The following DNAH11 variants were observed in gnomAD, a reference collection of about 807,000 sequenced individuals.
DNAH11 encodes dynein axonemal heavy chain 11.
Under a neutral mutation model 526.0 loss-of-function variants are expected in DNAH11, and 442 were observed. The ratio of observed to expected loss-of-function variants is 0.84; its 90% CI spans 0.78 to 0.91. The LOEUF is 0.91. DNAH11 is among the 40% of genes least tolerant of loss of function. The probability of loss-of-function intolerance (pLI) is 0.00; values close to 1 mark genes in which losing one functional copy is unlikely to be tolerated. For missense variants in DNAH11, 6,989 were observed against 5,448.7 expected, an observed-to-expected ratio of 1.28 and a Z score of -8.90; for synonymous variants, 2,461 against 1,935.9, an observed-to-expected ratio of 1.27 and a Z score of -7.12.
chr7:21,573,369 A>G (rs897542278), intron 8 of DNAH11, among the ~76,000 whole-genome samples: 2 of 152,126 alleles, frequency 1.3e-5, no homozygotes, highest in Non-Finnish European at 2.9e-5. Context: ...CCTTCCCCTG[A>G]AGTTCCCTTC....
intron 68 of DNAH11, among the ~76,000 whole-genome samples, chr7:21,854,976 C>T (rs1208420142): frequency 6.6e-6 from 1 of 151,202 alleles, no homozygotes; most frequent in African/African-American, 2.4e-5. Context: ...GGTAATTAAA[C>T]TGTGCATACG....
intron 46 of DNAH11, among the ~76,000 whole-genome samples, chr7:21,738,349 C>G (rs555398771): frequency 6.6e-6 from 1 of 152,266 alleles, no homozygotes; most frequent in East Asian, 1.9e-4. Context: ...AGAGACCAGG[C>G]CATAGCTGGA....
intron 74 of DNAH11, among the ~76,000 whole-genome samples, chr7:21,876,635 C>G (rs112028886): frequency 6.6e-6 from 1 of 152,242 alleles, no homozygotes; most frequent in African/African-American, 2.4e-5. Context: ...AAATTGTCAT[C>G]AATCTGGCTC....
At position 21,613,507 on chromosome 7, in the gene DNAH11, T is replaced by C. The variant is rs534691552; in HGVS notation, c.3853-1607T>C. Among the ~76,000 whole-genome samples, 19 of 148,348 alleles carry C rather than the reference T, an allele frequency of 1.3e-4. No homozygotes were observed. In the East Asian group the frequency reaches 2.2e-3, roughly 17 times the overall value. On this transcript the variant is annotated intron_variant, in intron 20 of 81. Transcript: ENST00000409508. ...GAATTGCAGTTCTTGTATGTGAAGA[T>C]ATAACTTGTAAAAATGAAAGCAGGA...
intron 1 of DNAH11, among the ~76,000 whole-genome samples, chr7:21,543,937 G>C (rs1026730517): frequency 6.6e-6 from 1 of 152,150 alleles, no homozygotes; most frequent in Non-Finnish European, 1.5e-5. Context: ...TTGCGTTTCA[G>C]TTGCTCTTGG....
In DNAH11 at chr7:21,894,877, A is replaced by G. The variant is rs991409816; in HGVS notation, c.12934-7A>G. On this transcript the variant is annotated splice_polypyrimidine_tract_variant and splice_region_variant and intron_variant, in intron 78 of 81. Coordinates refer to ENST00000409508, the MANE Select transcript of DNAH11 (RefSeq NM_001277115.2). ...ATTCACTGTGTGGCTTTTTTTCTCC[A>G]TGCAAGGGGGAATTGGCATTATCTC... 6.2e-7 allele frequency: 1 copy of G among 1,613,510 alleles called. No homozygotes were observed. The highest frequency in any genetic ancestry group is 1.3e-5 in the African/African-American group (1 of 74,886).
At chr7:21,862,092 T>A in intron 69 of DNAH11, 69 bp downstream of exon 69, 1 of 1,414,990 alleles carries the variant, frequency 7.1e-7, no homozygotes, top group South Asian at 1.5e-5. Flanking sequence ...TATTATATAT[T>A]TTATTTCTGC....
intron 2 of DNAH11, among the ~76,000 whole-genome samples, chr7:21,556,943 C>A (rs933200557): frequency 1.3e-5 from 2 of 151,982 alleles, no homozygotes; most frequent in African/African-American, 4.8e-5. Context: ...TGCTTGTAAT[C>A]CTGGCTACTC....
At chr7:21,828,789 A>G (rs1266570622) in intron 65 of DNAH11, among the ~76,000 whole-genome samples, 1 of 126,778 alleles carries the variant, frequency 7.9e-6, no homozygotes, top group African/African-American at 3.0e-5. Context: ...GTACAATGTT[A>G]CCTGGACTCC....
At chr7:21,585,562 A>C (rs1784454544) in intron 9 of DNAH11, among the ~76,000 whole-genome samples, 1 of 152,204 alleles carries the variant, frequency 6.6e-6, no homozygotes, top group Non-Finnish European at 1.5e-5. Context: ...TAAAATCTGA[A>C]GTGCTGGTGC....
chr7:21,723,401 T>G (rs1168802206), intron 44 of DNAH11, among the ~76,000 whole-genome samples: 1 of 152,204 alleles, frequency 6.6e-6, no homozygotes, highest in Non-Finnish European at 1.5e-5. Context: ...CCTATGTTCT[T>G]CAGCCATTGC....
intron 9 of DNAH11, among the ~76,000 whole-genome samples, chr7:21,585,398 A>C (rs1489143494): frequency 1.3e-5 from 2 of 152,188 alleles, no homozygotes; most frequent in African/African-American, 4.8e-5. Flanking sequence ...TAGAATGATG[A>C]GCTCAGACCA....
At chr7:21,705,841 C>T (rs1379692200) in intron 39 of DNAH11, among the ~76,000 whole-genome samples, 1 of 152,188 alleles carries the variant, frequency 6.6e-6, no homozygotes, top group Non-Finnish European at 1.5e-5. Flanking sequence ...TTTCGATATA[C>T]ACCATCCTAC....
rs766226365 is a variant in DNAH11 at position 21,738,813 on chromosome 7, T to C, written c.7758T>C (p.Tyr2586=). The C allele has an allele frequency of 1.9e-6, 3 of 1,605,646 alleles. No individual in the cohort carries two copies. In the South Asian group the frequency reaches 3.4e-5, roughly 18 times the overall value. ...DDMNMPEVDL[Y]GTVQPHTLIR... Reference sequence around the variant, plus strand: ...TGAACATGCCTGAAGTGGACTTATATGGCACCGTTCAGCCTCACACCCTGA... The same window carrying C: ...TGAACATGCCTGAAGTGGACTTATACGGCACCGTTCAGCCTCACACCCTGA... Residue 2586 remains tyrosine (Y), a synonymous_variant, in exon 47 of 82, where the codon TAT becomes TAC. Coordinates refer to ENST00000409508, the MANE Select transcript of DNAH11 (RefSeq NM_001277115.2).
intron 57 of DNAH11, among the ~76,000 whole-genome samples, chr7:21,781,347 A>C (rs2127983892): frequency 6.6e-6 from 1 of 152,294 alleles, no homozygotes; most frequent in East Asian, 1.9e-4. Context: ...ATTGCTTCAA[A>C]TCTATAAGGT....
At chr7:21,648,921 T>G (rs1302384340) in intron 28 of DNAH11, among the ~76,000 whole-genome samples, 1 of 152,232 alleles carries the variant, frequency 6.6e-6, no homozygotes, top group Non-Finnish European at 1.5e-5. Context: ...TGTTTTGACA[T>G]CAGTGAGTTT....
chr7:21,658,086 T>A (rs79641748), intron 29 of DNAH11, among the ~76,000 whole-genome samples: 2 of 152,080 alleles, frequency 1.3e-5, no homozygotes, highest in Non-Finnish European at 2.9e-5. Context: ...TGGATTAATA[T>A]AACAAAATAC....
rs896698050 is a variant in DNAH11 at position 21,543,115 on chromosome 7, G to A, written c.-131G>A. The A allele has an allele frequency of 7.7e-6, 11 of 1,430,196 alleles. No individual in the cohort carries two copies. In the Admixed American group the frequency reaches 3.2e-4, roughly 41 times the overall value. 88.6% of individuals were successfully genotyped at this position (1,430,196 alleles called of 1,614,324 possible). A position where few individuals can be genotyped will look rare whatever the true frequency, so the allele number is the denominator to read the frequency against. ...GGCTGCTAAGTAGCAGCAGGTGGGA[G>A]ACTAGGGTCTGCGCTCGCGGCGACC... On this transcript the variant is annotated 5_prime_UTR_variant, in exon 1 of 82. Coordinates refer to ENST00000409508, the MANE Select transcript of DNAH11 (RefSeq NM_001277115.2).
At position 21,588,615 on chromosome 7, in the gene DNAH11, A is replaced by G. The variant is rs1283018372; in HGVS notation, c.1952A>G (p.Asn651Ser). ...VLQRLQMFWS[N>S]FASLRYLFLG... ...CAACGACTTCAAATGTTTTGGTCAA[A>G]CTTCGCATCTCTCCGTTATCTGTAA... The change falls in exon 11 of 82, where the codon AAC (asparagine) becomes AGC (serine). Residue 651 changes from asparagine to serine, a missense_variant. By Grantham distance (46) the Asn-to-Ser change is conservative. Transcript: ENST00000409508. The G allele has an allele frequency of 6.2e-7, 1 of 1,613,424 alleles. No individual in the cohort carries two copies. Among genetic ancestry groups the G allele is most frequent in the African/African-American group, 1.3e-5 (1 of 74,926 alleles).
Sources: allele counts gnomAD v4.1 joint callset (sites outside exome capture counted in the v4.1 genomes callset), GRCh38; gene constraint gnomAD v4.1.1; transcripts MANE v1.5; gene names NCBI Gene and HGNC (gene_info 2026-07-23, HGNC 2026-07-21).